The following DUSP6 variants were observed in gnomAD, a reference collection of about 807,000 sequenced individuals.
DUSP6 encodes the protein dual specificity phosphatase 6, also known as dual specificity protein phosphatase 6.
In DUSP6, 6 loss-of-function variants were observed where a neutral mutation model predicts 28.0. The ratio of observed to expected loss-of-function variants is 0.21; its 90% CI spans 0.12 to 0.42. DUSP6 has a LOEUF of 0.42. Ranked by LOEUF, DUSP6 falls within the 10% of genes least tolerant of loss-of-function variation. The pLI, the probability that DUSP6 is intolerant of heterozygous loss-of-function variation, is 1.00. For missense variants in DUSP6, 451 were observed against 498.1 expected (o/e 0.91, Z 0.90); for synonymous variants, 252 against 217.5 (o/e 1.16, Z -1.40).
chr12:89,351,776 C>G lies in DUSP6; in HGVS notation c.264G>C (p.Arg88=). 2 of 1,609,604 alleles carry G rather than the reference C, an allele frequency of 1.2e-6. No homozygotes were observed. Among genetic ancestry groups the G allele is most frequent in the Non-Finnish European group, 1.7e-6 (2 of 1,178,732 alleles). ...GCACCACTGTGTCGGTGCCACAGCG[C>G]CGGGTGAAGCGGTCCCGGTCCTCGC... is the stretch of plus-strand genomic sequence containing the variant. ...TRGEDRDRFT[R]RCGTDTVVLY... is the part of the protein sequence containing the mutation. The change falls in exon 1 of 3, where the codon CGG becomes CGC. Residue 88 remains arginine, a synonymous_variant. Coordinates refer to ENST00000279488, the MANE Select transcript of DUSP6 (RefSeq NM_001946.4).
rs1041734103 is a variant in DUSP6 at position 89,351,768 on chromosome 12, C to T, written c.272G>A (p.Gly91Asp). 1.2e-6 allele frequency: 2 copies of T among 1,608,858 alleles called. No homozygotes were observed. The highest frequency in any genetic ancestry group is 1.7e-6 in the Non-Finnish European group (2 of 1,178,454). ...GTCGTAGAGCACCACTGTGTCGGTG[C>T]CACAGCGCCGGGTGAAGCGGTCCCG... ...EDRDRFTRRCGTDTVVLYDES... is the reference protein window; with the variant it reads ...EDRDRFTRRCDTDTVVLYDES... Residue 91 changes from glycine to aspartate, a missense_variant, in exon 1 of 3, where the codon GGC (glycine) becomes GAC (aspartate). Physicochemically the swap from Gly to Asp is moderately conservative, Grantham distance 94. This residue lies in a region of DUSP6 where 347 missense variants were observed against 346.6 expected (regional missense o/e 1.00). Transcript: ENST00000279488.
In DUSP6 at chr12:89,350,718, G is replaced by C; in HGVS notation, c.708C>G (p.Ile236Met). The C allele has an allele frequency of 6.2e-7, 1 of 1,614,168 alleles. No individual in the cohort carries two copies. The highest frequency in any genetic ancestry group is 1.1e-5 in the South Asian group (1 of 91,086). ...TCGGCAAATTGGGGGTGACGTTCAA[G>C]ATGTACTTGATGCCGAATTCCTCCA... ...DVLEEFGIKYILNVTPNLPNL... is the reference protein window; with the variant it reads ...DVLEEFGIKYMLNVTPNLPNL... The change falls in exon 2 of 3, where the codon ATC (isoleucine) becomes ATG (methionine). Residue 236 changes from isoleucine (I) to methionine (M), a missense_variant. Transcript: ENST00000279488.
rs141267478 is a variant in DUSP6, at chr12:89,347,786, G to A, written c.*1468C>T. ...TTCCTCAGCAAGCTATGCTCTATAGGTTCATTTTTCTTCAGGGGCTTTAAA... is the reference window on the plus strand; with the variant it reads ...TTCCTCAGCAAGCTATGCTCTATAGATTCATTTTTCTTCAGGGGCTTTAAA... On this transcript the variant is annotated 3_prime_UTR_variant, in exon 3 of 3. Transcript: ENST00000279488. 2.9e-3 allele frequency: 439 copies of A among 152,180 alleles called. 2 individuals carry two copies. The highest frequency in any genetic ancestry group is 0.01 in the African/African-American group (426 of 41,526). The allele number at this position is 152,180 out of a possible 1,614,324, so 9.4% of individuals were successfully genotyped here. A position where few individuals can be genotyped will look rare whatever the true frequency, so the allele number is the denominator to read the frequency against.
chr12:89,351,654 G>T lies in DUSP6; in HGVS notation c.386C>A (p.Ala129Glu). 6.2e-7 allele frequency: 1 copy of T among 1,602,096 alleles called. No homozygotes were observed. The highest frequency in any genetic ancestry group is 8.5e-7 in the Non-Finnish European group (1 of 1,173,440). Residue 129 changes from alanine to glutamate, a missense_variant, in exon 1 of 3, where the codon GCG becomes GAG. Coordinates refer to ENST00000279488, the MANE Select transcript of DUSP6 (RefSeq NM_001946.4). ...LKKLKDEGCR[A>E]FYLEGGFSKF... Reference sequence around the variant, plus strand: ...TGGGCGCGTACCTTCCAGGTAGAACGCCCGGCAGCCCTCGTCCTTGAGCTT... The same window carrying T: ...TGGGCGCGTACCTTCCAGGTAGAACTCCCGGCAGCCCTCGTCCTTGAGCTT...
Position 89,352,106 on chromosome 12 carries a change from C to G in DUSP6, c.-67G>C. The G allele has an allele frequency of 2.0e-6, 3 of 1,532,652 alleles. No homozygotes were observed. The highest frequency in any genetic ancestry group is 2.3e-5 in the East Asian group (1 of 43,826). The allele number at this position is 1,532,652 out of a possible 1,614,324, so 94.9% of individuals were successfully genotyped here. A position where few individuals can be genotyped will look rare whatever the true frequency, so the allele number is the denominator to read the frequency against. ...CCCCTCGGGGCAGGCATAGGCCGAG[C>G]GCACCGCGCGCGAAGCTGCCGCTCT... On this transcript the variant is annotated 5_prime_UTR_variant, in exon 1 of 3. Coordinates refer to ENST00000279488, the MANE Select transcript of DUSP6 (RefSeq NM_001946.4).
In DUSP6 at chr12:89,351,940, G is replaced by A. The variant is rs146480840; in HGVS notation, c.100C>T (p.Leu34=). 3 of 1,612,988 alleles carry A rather than the reference G, an allele frequency of 1.9e-6. No homozygotes were observed. The highest frequency in any genetic ancestry group is 2.2e-5 in the South Asian group (2 of 91,088). The stretch of plus-strand genomic sequence containing the variant: ...TGCGGCCGGCAGTCCATCAGCAGCA[G>A]CCGCTCGTTGCCCAGCTCCAGCTGC... ...NEQLELGNER[L]LLMDCRPQEL... is the part of the protein sequence containing the mutation. Residue 34 remains leucine, a synonymous_variant, in exon 1 of 3, where the codon CTG becomes TTG. Transcript: ENST00000279488.
At position 89,352,257 on chromosome 12, in the gene DUSP6, G is replaced by T; in HGVS notation, c.-218C>A. On this transcript the variant is annotated 5_prime_UTR_variant, in exon 1 of 3. Transcript: ENST00000279488. The stretch of plus-strand genomic sequence containing the variant: ...GCAGCCGCTGGCTCTTAGTGTCAAT[G>T]AATCTCTCTCAATGAAGCTGCCCAG... 2 of 636,846 alleles carry T rather than the reference G, an allele frequency of 3.1e-6. No individual in the cohort carries two copies. The highest frequency in any genetic ancestry group is 2.7e-6 in the Non-Finnish European group (1 of 374,448). The allele number at this position is 636,846 out of a possible 1,614,324, so 39.4% of individuals were successfully genotyped here.
rs1243323648 is a variant in DUSP6 at position 89,348,621 on chromosome 12, CTTTT to C, written c.*629_*632del. The stretch of plus-strand genomic sequence containing the variant: ...TTGGATTAGAAAAGAGCACAATTTT[CTTTT>C]TTTGTTTTGTTCTGTTTTAAGAAGT... On this transcript the variant is annotated 3_prime_UTR_variant, in exon 3 of 3. Transcript: ENST00000279488. The C allele has an allele frequency of 6.6e-6, 1 of 152,532 alleles. No homozygotes were observed. The highest frequency in any genetic ancestry group is 1.5e-5 in the Non-Finnish European group (1 of 67,988). The allele number at this position is 152,532 out of a possible 1,614,324, so 9.4% of individuals were successfully genotyped here.
Position 89,350,787 on chromosome 12 carries a change from G to T in DUSP6, c.639C>A (p.Phe213Leu). 2 of 1,614,100 alleles carry T rather than the reference G, an allele frequency of 1.2e-6. No homozygotes were observed. Among genetic ancestry groups the T allele is most frequent in the South Asian group, 2.2e-5 (2 of 91,074 alleles). ...QPSFPVEILP[F>L]LYLGCAKDST... ...AGTCTTTGGCACAGCCCAAGTAGAG[G>T]AAGGGCAAGATCTCCACTGGGAAGG... is the stretch of plus-strand genomic sequence containing the variant. The change falls in exon 2 of 3, where the codon TTC becomes TTA. Residue 213 changes from phenylalanine to leucine, a missense_variant. Physicochemically the swap from Phe to Leu is conservative, Grantham distance 22. Around this residue, in one of 2 missense-constraint regions of DUSP6, gnomAD observed 347 missense variants for 346.6 expected, o/e 1.00. Transcript: ENST00000279488.
chr12:89,351,505 C>T lies in DUSP6; in HGVS notation c.400+135G>A, dbSNP rs946359392. Reference sequence around the variant, plus strand: ...CGGTTCGCGGCCCCTACCTCGCCGGCTGCCGGTCCCTAGGCGGGCAGCGCG... The same window carrying T: ...CGGTTCGCGGCCCCTACCTCGCCGGTTGCCGGTCCCTAGGCGGGCAGCGCG... On this transcript the variant is annotated intron_variant, in intron 1 of 2. Coordinates refer to ENST00000279488, the MANE Select transcript of DUSP6 (RefSeq NM_001946.4). The T allele has an allele frequency of 5.0e-6, 7 of 1,388,500 alleles. No homozygotes were observed. The African/African-American group carries it at 1.0e-4, about 20-fold the overall frequency. The allele number at this position is 1,388,500 out of a possible 1,614,324, so 86.0% of individuals were successfully genotyped here. A position where few individuals can be genotyped will look rare whatever the true frequency, so the allele number is the denominator to read the frequency against.
In DUSP6 at chr12:89,350,564, GCGA is replaced by G. The variant is rs1319614302; in HGVS notation, c.838+21_838+23del. ...AGGAATTTTGCATTTAAATGTCAGA[GCGA>G]CGACTATTAATTAGTCTCACCTATG... On this transcript the variant is annotated intron_variant, in intron 2 of 2. Transcript: ENST00000279488. The G allele has an allele frequency of 3.8e-6, 6 of 1,596,398 alleles. No individual in the cohort carries two copies. In the African/African-American group the frequency reaches 5.4e-5, roughly 14 times the overall value.
chr12:89,351,171 T>G, intron 1 of DUSP6, 146 bp from the exon 2 acceptor site: 2 of 897,092 alleles, frequency 2.2e-6, no homozygotes, highest in Non-Finnish European at 3.3e-6. Flanking sequence ...AAACACACTT[T>G]AAATGTGCAC....
In DUSP6 at chr12:89,349,566, G is replaced by C. The variant is rs1198749969; in HGVS notation, c.839-5C>G. The stretch of plus-strand genomic sequence containing the variant: ...AGTTCTTGCCCCGGGCTTCATCTGT[G>C]AACACAAAAAGAAAAGCAAGATCTC... On this transcript the variant is annotated splice_polypyrimidine_tract_variant and splice_region_variant and intron_variant, in intron 2 of 2. Coordinates refer to ENST00000279488, the MANE Select transcript of DUSP6 (RefSeq NM_001946.4). The C allele has an allele frequency of 2.5e-6, 4 of 1,596,034 alleles. No individual in the cohort carries two copies. Among genetic ancestry groups the C allele is most frequent in the Non-Finnish European group, 1.7e-6 (2 of 1,168,108 alleles).
At position 89,349,161 on chromosome 12, in the gene DUSP6, G is replaced by C; in HGVS notation, c.*93C>G. 2.9e-6 allele frequency: 4 copies of C among 1,382,860 alleles called. No individual in the cohort carries two copies. Among genetic ancestry groups the C allele is most frequent in the African/African-American group, 1.4e-5 (1 of 69,574 alleles). 85.7% of individuals were successfully genotyped at this position (1,382,860 alleles called of 1,614,324 possible). On this transcript the variant is annotated 3_prime_UTR_variant, in exon 3 of 3. Transcript: ENST00000279488. ...ACAGCTGGTGTCATTTTGACACCTG[G>C]GGCCACACACAAAGAAAGCAGCCCA...
At chr12:89,351,366 G>A (rs1369043970) in intron 1 of DUSP6, 6 of 590,610 alleles carry the variant, frequency 1.0e-5, no homozygotes, top group African/African-American at 1.9e-5. Flanking sequence ...ACAGGGTGAT[G>A]GTGGAGGATG....
At position 89,352,256 on chromosome 12, in the gene DUSP6, T is replaced by C; in HGVS notation, c.-217A>G. 1.6e-6 allele frequency: 1 copy of C among 636,690 alleles called. No homozygotes were observed. Among genetic ancestry groups the C allele is most frequent in the Non-Finnish European group, 2.7e-6 (1 of 374,276 alleles). The allele number at this position is 636,690 out of a possible 1,614,324, so 39.4% of individuals were successfully genotyped here. The stretch of plus-strand genomic sequence containing the variant: ...TGCAGCCGCTGGCTCTTAGTGTCAA[T>C]GAATCTCTCTCAATGAAGCTGCCCA... On this transcript the variant is annotated 5_prime_UTR_variant, in exon 1 of 3. Transcript: ENST00000279488.
At position 89,352,079 on chromosome 12, in the gene DUSP6, C is replaced by T. The variant is rs757085812; in HGVS notation, c.-40G>A. The T allele has an allele frequency of 4.3e-5, 68 of 1,590,292 alleles. No homozygotes were observed. In the East Asian group the frequency reaches 1.5e-3, roughly 36 times the overall value. On this transcript the variant is annotated 5_prime_UTR_variant, in exon 1 of 3. Coordinates refer to ENST00000279488, the MANE Select transcript of DUSP6 (RefSeq NM_001946.4). ...GGGAGAGGGCGGGGTGCCTACCAGA[C>T]GCCCCTCGGGGCAGGCATAGGCCGA...
In DUSP6 at chr12:89,351,823, C is replaced by A. The variant is rs746895147; in HGVS notation, c.217G>T (p.Val73Leu). 6.2e-7 allele frequency: 1 copy of A among 1,611,364 alleles called. No individual in the cohort carries two copies. Among genetic ancestry groups the A allele is most frequent in the Non-Finnish European group, 8.5e-7 (1 of 1,179,486 alleles). ...TCGCCGCGCGTGAAGAGCGCGCGCA[C>A]CGGCAGGTTACCCTTCTGCAGGCGC... The part of the protein sequence containing the change: ...LRRLQKGNLP[V>L]RALFTRGEDR... Residue 73 changes from valine (V) to leucine (L), a missense_variant, in exon 1 of 3, where the codon GTG (valine) becomes TTG (leucine). Coordinates refer to ENST00000279488, the MANE Select transcript of DUSP6 (RefSeq NM_001946.4).
At chr12:89,349,664 T>A (rs1879113534) in intron 2 of DUSP6, 103 bp from the exon 3 acceptor site, 1 of 872,382 alleles carries the variant, frequency 1.1e-6, no homozygotes, top group Admixed American at 2.8e-5. Flanking sequence ...ATAATAATAG[T>A]TGTGTGTGGC....
Sources: gnomAD v4.1 joint callset for allele counts on GRCh38, gnomAD v4.1.1 for gene constraint, gnomAD v4.1.1 regional missense constraint, MANE v1.5 for transcripts, NCBI Gene and HGNC (gene_info 2026-07-23, HGNC 2026-07-21) for gene names.